CNTN4: variants seen among roughly 807,000 people sequenced by gnomAD.
CNTN4 encodes the protein contactin-4.
A neutral mutation model predicts 122.5 loss-of-function variants in CNTN4; 77 were observed. That is an observed-to-expected ratio of 0.63 (90% CI 0.52 to 0.76). The LOEUF (loss-of-function observed/expected upper bound fraction) is 0.76. Ranked by LOEUF, CNTN4 falls within the 30% of genes least tolerant of loss-of-function variation. CNTN4 has a pLI of 0.00. For missense variants in CNTN4, 1,256 were observed against 1,259.1 expected (o/e 1.00, Z 0.04); for synonymous variants, 512 against 447.0 (o/e 1.15, Z -1.83).
intron 3 of CNTN4, among the ~76,000 whole-genome samples, chr3:2,364,271 T>G (rs1164072393): frequency 6.6e-6 from 1 of 152,206 alleles, no homozygotes; most frequent in East Asian, 1.9e-4. Flanking sequence ...ATCTCAGAGT[T>G]GTTGTCTCGA....
At chr3:2,906,526 G>T (rs2094234838) in intron 12 of CNTN4, among the ~76,000 whole-genome samples, 1 of 151,834 alleles carries the variant, frequency 6.6e-6, no homozygotes, top group Non-Finnish European at 1.5e-5. Context: ...GCATATATCG[G>T]AAAATTTAAA....
At chr3:2,213,103 G>C (rs756798233) in intron 2 of CNTN4, among the ~76,000 whole-genome samples, 3 of 152,150 alleles carry the variant, frequency 2.0e-5, no homozygotes, top group Non-Finnish European at 4.4e-5. Flanking sequence ...TTAGGAATCT[G>C]GTTCACTGAA....
At chr3:2,272,784 T>C (rs910141436) in intron 2 of CNTN4, among the ~76,000 whole-genome samples, 3 of 145,468 alleles carry the variant, frequency 2.1e-5, no homozygotes, top group Admixed American at 7.2e-5. Context: ...AGGAGCATTG[T>C]AAGGGTAGCA....
intron 3 of CNTN4, among the ~76,000 whole-genome samples, chr3:2,562,214 A>C (rs1279099890): frequency 1.3e-5 from 2 of 152,172 alleles, no homozygotes; most frequent in Non-Finnish European, 2.9e-5. Context: ...CCACAATCTT[A>C]AGTCAAACTT....
intron 14 of CNTN4, among the ~76,000 whole-genome samples, chr3:2,989,961 A>T (rs764853706): frequency 6.6e-6 from 1 of 152,234 alleles, no homozygotes. Flanking sequence ...ATCTTAAATC[A>T]TAGTTAAAAG....
intron 6 of CNTN4, among the ~76,000 whole-genome samples, chr3:2,766,720 C>G (rs938728517): frequency 6.6e-6 from 1 of 152,048 alleles, no homozygotes; most frequent in African/African-American, 2.4e-5. Flanking sequence ...AACCAAATAC[C>G]CCCTGTTCCC....
intron 2 of CNTN4, among the ~76,000 whole-genome samples, chr3:2,183,136 C>G (rs949360012): frequency 6.6e-6 from 1 of 152,044 alleles, no homozygotes; most frequent in Non-Finnish European, 1.5e-5. Flanking sequence ...CAGAAAGCAG[C>G]TATAACATTT....
intron 3 of CNTN4, among the ~76,000 whole-genome samples, chr3:2,473,454 G>T (rs1383579222): frequency 6.6e-6 from 1 of 152,102 alleles, no homozygotes; most frequent in African/African-American, 2.4e-5. Flanking sequence ...TAATGTAGCT[G>T]CTAGCCACCT....
chr3:2,251,536 GA>G (rs1402439058), intron 2 of CNTN4, among the ~76,000 whole-genome samples: 1 of 151,302 alleles, frequency 6.6e-6, no homozygotes, highest in Non-Finnish European at 1.5e-5. Context: ...ATAAGAAAAT[GA>G]AAAAAAGAAT....
chr3:2,771,071 C>G (rs11129291), intron 6 of CNTN4, among the ~76,000 whole-genome samples: 99,767 of 152,072 alleles, frequency 0.66, 33,972 homozygotes, highest in Admixed American at 0.76. Flanking sequence ...TGCATCTTCA[C>G]AGAGATTTGT....
chr3:2,791,147 A>T (rs1167618354), intron 6 of CNTN4, among the ~76,000 whole-genome samples: 1 of 152,214 alleles, frequency 6.6e-6, no homozygotes, highest in Non-Finnish European at 1.5e-5. Context: ...GAGTTTTATC[A>T]TGTAACTCAC....
intron 14 of CNTN4, among the ~76,000 whole-genome samples, chr3:2,994,919 A>G (rs918205207): frequency 3.9e-5 from 6 of 152,156 alleles, no homozygotes; most frequent in African/African-American, 1.2e-4. Context: ...AGCTTTTAAC[A>G]TTGGTCCCTT....
intron 2 of CNTN4, among the ~76,000 whole-genome samples, chr3:2,105,597 T>C (rs1223430598): frequency 6.6e-6 from 1 of 152,040 alleles, no homozygotes; most frequent in African/African-American, 2.4e-5. Context: ...GAGACCAGCA[T>C]GGGGGAAACT....
chr3:2,979,141 A>G (rs1464032905), intron 13 of CNTN4, among the ~76,000 whole-genome samples: 1 of 152,124 alleles, frequency 6.6e-6, no homozygotes, highest in African/African-American at 2.4e-5. Flanking sequence ...CTAGGCTGCA[A>G]ACTTACCAGG....
At chr3:2,666,398 A>G (rs1370388069) in intron 4 of CNTN4, among the ~76,000 whole-genome samples, 5 of 152,260 alleles carry the variant, frequency 3.3e-5, no homozygotes, top group African/African-American at 1.2e-4. Context: ...TATTAAGAAA[A>G]TAGACATTGA....
intron 3 of CNTN4, among the ~76,000 whole-genome samples, chr3:2,405,910 C>G (rs1023039292): frequency 7.2e-5 from 11 of 151,894 alleles, no homozygotes; most frequent in Non-Finnish European, 1.6e-4. Context: ...GCCTGTAGTC[C>G]TAGCTACTCA....
chr3:2,555,450 G>A (rs1412201991), intron 3 of CNTN4, among the ~76,000 whole-genome samples: 2 of 152,052 alleles, frequency 1.3e-5, no homozygotes, highest in Non-Finnish European at 2.9e-5. Context: ...CTCCCTTTAG[G>A]GCATGGATAG....
intron 12 of CNTN4, among the ~76,000 whole-genome samples, chr3:2,923,892 A>G (rs2094450507): frequency 6.6e-6 from 1 of 152,138 alleles, no homozygotes; most frequent in Non-Finnish European, 1.5e-5. Context: ...AAACCCTACA[A>G]TTTTTATTGC....
intron 4 of CNTN4, among the ~76,000 whole-genome samples, chr3:2,693,810 C>A (rs1306530288): frequency 6.6e-6 from 1 of 152,190 alleles, no homozygotes; most frequent in Non-Finnish European, 1.5e-5. Context: ...CACAAGAATT[C>A]ATTGATAAAC....
Sources: allele counts gnomAD v4.1 joint callset (sites outside exome capture counted in the v4.1 genomes callset), GRCh38; gene constraint gnomAD v4.1.1; transcripts MANE v1.5; gene names NCBI Gene and HGNC (gene_info 2026-07-23, HGNC 2026-07-21).